The following VWF variants were observed in gnomAD, a reference collection of about 807,000 sequenced individuals.
The protein encoded by VWF is Factor VIII related antigen.
A neutral mutation model predicts 308.6 loss-of-function variants in VWF; 176 were observed. The observed-to-expected ratio is 0.57, with a 90% CI of 0.50 to 0.65. VWF has a LOEUF of 0.65. Among genes scored for constraint, VWF ranks in the 30% least tolerant of loss-of-function variants. VWF has a pLI of 0.00. For missense variants in VWF, 3,146 were observed against 3,648.2 expected (o/e 0.86, Z 3.55); for synonymous variants, 1,385 against 1,443.4 (o/e 0.96, Z 0.92).
chr12:5,984,005 TAGATAGATAGATAGAC>T lies in VWF; in HGVS notation c.6977-767_6977-752del, dbSNP rs1262561748. ...ATAGATAGATAGATAGATAGATAGA[TAGATAGATAGATAGAC>T]AGACAGACAGACAGACAGATAGATC... On this transcript the variant is annotated intron_variant, in intron 40 of 51. Coordinates refer to ENST00000261405, the MANE Select transcript of VWF (RefSeq NM_000552.5). Among the ~76,000 whole-genome samples, 410 of 131,086 alleles carry T rather than the reference TAGATAGATAGATAGAC, an allele frequency of 3.1e-3. 2 individuals carry two copies. Among genetic ancestry groups the T allele is most frequent in the African/African-American group, 0.01 (353 of 35,150 alleles). The allele number at this position is 131,086 out of a possible 152,430, so 86.0% of individuals were successfully genotyped here. A position where few individuals can be genotyped will look rare whatever the true frequency, so the allele number is the denominator to read the frequency against.
At chr12:6,052,488 T>C (rs1237435174) in intron 16 of VWF, 55 bp downstream of exon 16, 20 of 1,613,420 alleles carry the variant, frequency 1.2e-5, no homozygotes, top group Non-Finnish European at 1.6e-5. Context: ...GGGGTCCCGT[T>C]TTCCTCCCCA....
chr12:5,973,015 G>A (rs1442157812), intron 43 of VWF, among the ~76,000 whole-genome samples: 1 of 152,132 alleles, frequency 6.6e-6, no homozygotes, highest in Non-Finnish European at 1.5e-5. Flanking sequence ...CTCTCACCAT[G>A]GGCAAACAGT....
intron 47 of VWF, among the ~76,000 whole-genome samples, chr12:5,961,589 C>CA (rs71445686): frequency 0.18 from 22,321 of 124,678 alleles, 3,383 homozygotes; most frequent in African/African-American, 0.42. Context: ...TCTGCCCCCT[C>CA]AAAAAAAAAA....
Position 6,105,446 on chromosome 12 carries a change from T to C in VWF, c.532+4928A>G, listed in dbSNP as rs143898303. Among the ~76,000 whole-genome samples, 822 of 152,224 alleles carry C rather than the reference T, an allele frequency of 5.4e-3. 4 individuals carry two copies. The highest frequency in any genetic ancestry group is 0.019 in the African/African-American group (790 of 41,530). On this transcript the variant is annotated intron_variant, in intron 5 of 51. Transcript: ENST00000261405. ...GTTTCACATGTTGGCCAGGCTGGTC[T>C]TGAACTTCTGACCTCAAATGATCCA... is the stretch of plus-strand genomic sequence containing the variant.
chr12:5,993,967 G>T lies in VWF; in HGVS notation c.6493C>A (p.Gln2165Lys). ...ACTTGCTCCTGGTGGCAACTGTCCT[G>T]CTGGCAGATGGCATAGAATGTGGCT... Reference protein sequence around the residue: ...APATFYAICQQDSCHQEQVCE... With the variant: ...APATFYAICQKDSCHQEQVCE... The change falls in exon 37 of 52, where the codon CAG (glutamine) becomes AAG (lysine). Residue 2165 changes from glutamine (Q) to lysine (K), a missense_variant. Physicochemically the swap from Gln to Lys is moderately conservative, Grantham distance 53. Coordinates refer to ENST00000261405, the MANE Select transcript of VWF (RefSeq NM_000552.5). 6.2e-7 allele frequency: 1 copy of T among 1,614,176 alleles called. No individual in the cohort carries two copies. The highest frequency in any genetic ancestry group is 8.5e-7 in the Non-Finnish European group (1 of 1,180,040).
intron 5 of VWF, among the ~76,000 whole-genome samples, chr12:6,103,772 T>G (rs950970357): frequency 2.0e-5 from 3 of 151,830 alleles, no homozygotes; most frequent in African/African-American, 7.3e-5. Context: ...CAACTCAAGA[T>G]GTATTAAAGA....
intron 21 of VWF, 71 bp downstream of exon 21, chr12:6,031,373 T>C: frequency 6.2e-7 from 1 of 1,613,686 alleles, no homozygotes; most frequent in African/African-American, 1.3e-5. Flanking sequence ...AAATGAATGC[T>C]TGGAAAATGT....
At chr12:6,084,136 C>T (rs1944944793) in intron 6 of VWF, among the ~76,000 whole-genome samples, 1 of 152,222 alleles carries the variant, frequency 6.6e-6, no homozygotes, top group African/African-American at 2.4e-5. Flanking sequence ...GACAGCAGTA[C>T]TTGGACCTAC....
At chr12:6,014,065 G>A (rs1416477934) in intron 31 of VWF, among the ~76,000 whole-genome samples, 17 of 152,124 alleles carry the variant, frequency 1.1e-4, no homozygotes, top group Non-Finnish European at 1.5e-4. Context: ...TGAAAAGATG[G>A]CATCTGAGCA....
chr12:5,955,412 C>T (rs954091957), intron 47 of VWF, among the ~76,000 whole-genome samples: 3 of 151,942 alleles, frequency 2.0e-5, no homozygotes, highest in Non-Finnish European at 4.4e-5. Context: ...GTTCCCCTTC[C>T]TGTGTCCATG....
intron 21 of VWF, 107 bp from the exon 22 acceptor site, chr12:6,029,595 C>T: frequency 7.0e-7 from 1 of 1,422,218 alleles, no homozygotes; most frequent in Non-Finnish European, 9.6e-7. Flanking sequence ...CCCACGAGTG[C>T]AGGCACTGCC....
At chr12:6,104,641 G>A (rs528014113) in intron 5 of VWF, among the ~76,000 whole-genome samples, 4 of 151,914 alleles carry the variant, frequency 2.6e-5, no homozygotes, top group Non-Finnish European at 5.9e-5. Context: ...AGGTTGCAGT[G>A]AGCTGAGATC....
chr12:6,041,481 C>T (rs1944395434), intron 18 of VWF, among the ~76,000 whole-genome samples: 1 of 151,698 alleles, frequency 6.6e-6, no homozygotes, highest in South Asian at 2.1e-4. Context: ...CGGAGTCTCG[C>T]TCTGTCGCTC....
chr12:5,995,667 G>A (rs1248093828), intron 35 of VWF, among the ~76,000 whole-genome samples: 2 of 152,184 alleles, frequency 1.3e-5, no homozygotes, highest in African/African-American at 4.8e-5. Flanking sequence ...AAAGCTTACA[G>A]GGTTTAGGCA....
At chr12:6,048,057 T>C (rs1207818370) in intron 16 of VWF, among the ~76,000 whole-genome samples, 2 of 152,244 alleles carry the variant, frequency 1.3e-5, no homozygotes, top group Non-Finnish European at 2.9e-5. Flanking sequence ...GAGGCCCCCA[T>C]GCCCCTCAGC....
chr12:5,949,088 T>C lies in VWF; in HGVS notation c.8369A>G (p.Asn2790Ser), dbSNP rs1943146800. The change falls in exon 52 of 52, where the codon AAT (asparagine) becomes AGT (serine). Residue 2790 changes from asparagine (N) to serine (S), a missense_variant. Coordinates refer to ENST00000261405, the MANE Select transcript of VWF (RefSeq NM_000552.5). ...AACCTCATGGTACACAACAGAGCCATTGGTGCAGTGCAGGGCCACCTGCAT... is the reference window on the plus strand; with the variant it reads ...AACCTCATGGTACACAACAGAGCCACTGGTGCAGTGCAGGGCCACCTGCAT... ...EPMQVALHCT[N>S]GSVVYHEVLN... 4.3e-6 allele frequency: 7 copies of C among 1,614,208 alleles called. No individual in the cohort carries two copies. Among genetic ancestry groups the C allele is most frequent in the East Asian group, 4.5e-5 (2 of 44,884 alleles).
intron 6 of VWF, among the ~76,000 whole-genome samples, chr12:6,093,115 T>C (rs931795878): frequency 6.6e-6 from 1 of 152,094 alleles, no homozygotes; most frequent in Non-Finnish European, 1.5e-5. Flanking sequence ...GATTCTTCAG[T>C]TGACATTTTT....
chr12:6,023,667 C>T lies in VWF; in HGVS notation c.3343G>A (p.Gly1115Ser). The stretch of plus-strand genomic sequence containing the variant: ...GCCGTCCTCCAGGTCACCACCTTGC[C>T]ATGCTGGGCACACACGTGGGCATAG... ...AAYAHVCAQH[G>S]KVVTWRTATL... The change falls in exon 25 of 52, where the codon GGC (glycine) becomes AGC (serine). Residue 1115 changes from glycine (G) to serine (S), a missense_variant. By Grantham distance (56) the Gly-to-Ser change is moderately conservative. This residue lies in a region of VWF where 853 missense variants were observed against 1,177.8 expected (regional missense o/e 0.72). Coordinates refer to ENST00000261405, the MANE Select transcript of VWF (RefSeq NM_000552.5). 1 of 1,613,898 alleles carries T rather than the reference C, an allele frequency of 6.2e-7. No individual in the cohort carries two copies. Among genetic ancestry groups the T allele is most frequent in the Non-Finnish European group, 8.5e-7 (1 of 1,180,014 alleles).
At chr12:6,036,545 C>A in intron 18 of VWF, 54 bp from the exon 19 acceptor site, 1 of 1,522,256 alleles carries the variant, frequency 6.6e-7, no homozygotes, top group East Asian at 2.3e-5. Context: ...ATCTAAAGCC[C>A]TCCTCCAGCC....
Sources: gnomAD v4.1 joint callset for allele counts (sites outside exome capture counted in the v4.1 genomes callset) on GRCh38, gnomAD v4.1.1 for gene constraint, gnomAD v4.1.1 regional missense constraint, MANE v1.5 for transcripts, NCBI Gene and HGNC (gene_info 2026-07-23, HGNC 2026-07-21) for gene names.